WDPCP: variants seen among roughly 807,000 people sequenced by gnomAD.
WDPCP encodes the protein WD repeat containing planar cell polarity effector.
In WDPCP, 71 loss-of-function variants were observed where a neutral mutation model predicts 93.1. The observed-to-expected ratio is 0.76, with a 90% confidence interval of 0.63 to 0.93. The LOEUF is 0.93. WDPCP is among the 40% of genes least tolerant of loss of function. WDPCP has a pLI of 0.00. For missense variants in WDPCP, 844 were observed against 887.4 expected (o/e 0.95, Z 0.62); for synonymous variants, 315 against 315.0 (o/e 1.00, Z 0.00).
At position 63,512,710 on chromosome 2, in the gene WDPCP, G is replaced by A. The variant is rs184797288; in HGVS notation, c.76-19770C>T. Among the ~76,000 whole-genome samples, 349 of 152,208 alleles carry A rather than the reference G, an allele frequency of 2.3e-3. 1 individual carries two copies. The highest frequency in any genetic ancestry group is 4.2e-3 in the Non-Finnish European group (289 of 68,018). ...TGAACAATGAGAACATATGGGCACA[G>A]GGAGGGGAACGTCACACACTGGGGC... On this transcript the variant is annotated intron_variant, in intron 1 of 17. Transcript: ENST00000272321.
At position 63,502,601 on chromosome 2, in the gene WDPCP, T is replaced by C. The variant is rs1477841429; in HGVS notation, c.76-9661A>G. On this transcript the variant is annotated intron_variant, in intron 1 of 17. Coordinates refer to ENST00000272321, the MANE Select transcript of WDPCP (RefSeq NM_015910.7). ...ATCTTTTCATGGATTTTTAAAACAATTTGTTCCCTCTATAAATTACCTGTT... is the reference window on the plus strand; with the variant it reads ...ATCTTTTCATGGATTTTTAAAACAACTTGTTCCCTCTATAAATTACCTGTT... 2.6e-5 allele frequency among the ~76,000 whole-genome samples: 4 copies of C among 152,304 alleles called. No homozygotes were observed. The East Asian group carries it at 7.7e-4, about 29-fold the overall frequency.
intron 15 of WDPCP, 108 bp from the exon 16 acceptor site, chr2:63,153,682 G>A (rs1672035328): frequency 3.1e-6 from 2 of 637,794 alleles, no homozygotes; most frequent in Non-Finnish European, 4.9e-6. Context: ...AAGTTTCTGG[G>A]TTAAAAAATG....
intron 12 of WDPCP, among the ~76,000 whole-genome samples, chr2:63,325,687 A>T (rs1687478467): frequency 6.6e-6 from 1 of 152,220 alleles, no homozygotes; most frequent in Admixed American, 6.5e-5. Context: ...TTATGCCTGA[A>T]AGTCCCATAC....
intron 2 of WDPCP, among the ~76,000 whole-genome samples, chr2:63,776,211 C>G (rs1670300916): frequency 6.7e-6 from 1 of 148,944 alleles, no homozygotes; most frequent in South Asian, 2.1e-4. Context: ...AAAAGATAAG[C>G]CACCGACAGG....
intron 1 of WDPCP, among the ~76,000 whole-genome samples, chr2:63,512,424 A>G (rs1702290770): frequency 6.6e-6 from 1 of 152,214 alleles, no homozygotes; most frequent in Admixed American, 6.5e-5. Flanking sequence ...TCATTCTACT[A>G]TAAAGACATA....
At chr2:63,313,592 T>G (rs1476576425) in intron 12 of WDPCP, among the ~76,000 whole-genome samples, 1 of 152,030 alleles carries the variant, frequency 6.6e-6, no homozygotes, top group South Asian at 2.1e-4. Flanking sequence ...AGAAAATACG[T>G]TGCCTCTTCT....
chr2:63,386,078 T>G (rs943329991), intron 10 of WDPCP, among the ~76,000 whole-genome samples: 8 of 152,056 alleles, frequency 5.3e-5, no homozygotes, highest in Non-Finnish European at 1.0e-4. Flanking sequence ...TAACTTGAAG[T>G]AGACCATCAA....
intron 3 of WDPCP, among the ~76,000 whole-genome samples, chr2:63,645,851 G>A (rs376958552): frequency 1.3e-5 from 2 of 152,104 alleles, no homozygotes; most frequent in East Asian, 3.8e-4. Context: ...CGTTAGCATG[G>A]ACTATCATTT....
chr2:63,196,945 T>C (rs185549546), intron 14 of WDPCP, among the ~76,000 whole-genome samples: 1 of 152,296 alleles, frequency 6.6e-6, no homozygotes, highest in Admixed American at 6.5e-5. Context: ...CAGACCCTTC[T>C]ATGAAACAAG....
Position 63,420,186 on chromosome 2 carries a change from C to A in WDPCP, c.825+13559G>T, listed in dbSNP as rs548167820. On this transcript the variant is annotated intron_variant, in intron 9 of 17. Coordinates refer to ENST00000272321, the MANE Select transcript of WDPCP (RefSeq NM_015910.7). ...CAGAATAATATGATAAATGTGAAAACCAGTTTCATGAAATACTATCCTTTT... is the reference window on the plus strand; with the variant it reads ...CAGAATAATATGATAAATGTGAAAAACAGTTTCATGAAATACTATCCTTTT... Among the ~76,000 whole-genome samples the A allele has an allele frequency of 7.3e-5, 11 of 151,600 alleles. No homozygotes were observed. The South Asian group carries it at 1.2e-3, about 17-fold the overall frequency.
intron 3 of WDPCP, chr2:63,622,628 T>C: frequency 2.5e-6 from 4 of 1,613,898 alleles, no homozygotes; most frequent in Non-Finnish European, 3.4e-6. Flanking sequence ...CAGGAAATAG[T>C]TGCTTGGCCC....
At chr2:63,703,013 T>A (rs1669086118) in intron 2 of WDPCP, among the ~76,000 whole-genome samples, 1 of 152,128 alleles carries the variant, frequency 6.6e-6, no homozygotes, top group African/African-American at 2.4e-5. Context: ...AGAATGATGG[T>A]TTCAAGCTTC....
intron 2 of WDPCP, among the ~76,000 whole-genome samples, chr2:63,726,634 T>C (rs1202027804): frequency 6.6e-6 from 1 of 152,218 alleles, no homozygotes; most frequent in Non-Finnish European, 1.5e-5. Flanking sequence ...CTTTGGGCAG[T>C]GTGGCCATTT....
rs765317531 is a variant in WDPCP, at chr2:63,492,954, A to C, written c.76-14T>G. The stretch of plus-strand genomic sequence containing the variant: ...GGAATCTCTATCCTGTTTAAAAAAT[A>C]ATTAAAAAGAGGTGCCAATTAATTA... On this transcript the variant is annotated splice_polypyrimidine_tract_variant and intron_variant, in intron 1 of 17. Coordinates refer to ENST00000272321, the MANE Select transcript of WDPCP (RefSeq NM_015910.7). The C allele has an allele frequency of 2.5e-6, 4 of 1,609,196 alleles. No individual in the cohort carries two copies. The South Asian group carries it at 4.4e-5, about 18-fold the overall frequency.
chr2:63,487,407 T>C, intron 3 of WDPCP, 40 bp downstream of exon 3: 1 of 1,406,018 alleles, frequency 7.1e-7, no homozygotes, highest in Non-Finnish European at 1.0e-6. Flanking sequence ...TTTAGAATAT[T>C]TAGTTAATAA....
chr2:63,127,172 A>G (rs1054651681), intron 17 of WDPCP, among the ~76,000 whole-genome samples: 1 of 141,392 alleles, frequency 7.1e-6, no homozygotes, highest in Admixed American at 7.5e-5. Flanking sequence ...ACTAGACTGG[A>G]GTGCAGTAGC....
Position 63,119,705 on chromosome 2 carries a change from C to T in WDPCP, c.*2301G>A, listed in dbSNP as rs940621942. On this transcript the variant is annotated 3_prime_UTR_variant, in exon 18 of 18. Transcript: ENST00000272321. ...TATTCCTAAAGGACAACCTGTGAAC[C>T]TGTCAGTGCTAGGACAGATACTACC... 6.6e-6 allele frequency among the ~76,000 whole-genome samples: 1 copy of T among 152,148 alleles called. No individual in the cohort carries two copies. The highest frequency in any genetic ancestry group is 1.5e-5 in the Non-Finnish European group (1 of 68,032).
chr2:63,421,473 A>G lies in WDPCP; in HGVS notation c.825+12272T>C, dbSNP rs569640215. ...AGACCCACACAAATATAATCAACTG[A>G]TATTTGACAAAGTAGCAAAGGCAAT... On this transcript the variant is annotated intron_variant, in intron 9 of 17. Transcript: ENST00000272321. Among the ~76,000 whole-genome samples, 15 of 152,330 alleles carry G rather than the reference A, an allele frequency of 9.8e-5. No homozygotes were observed. The South Asian group carries it at 3.1e-3, about 32-fold the overall frequency.
intron 1 of WDPCP, among the ~76,000 whole-genome samples, chr2:63,531,169 T>A (rs896990278): frequency 5.3e-5 from 8 of 152,192 alleles, no homozygotes; most frequent in African/African-American, 1.7e-4. Flanking sequence ...GAGGCTTGAC[T>A]AGGTAAACAA....
Sources: allele counts gnomAD v4.1 joint callset (sites outside exome capture counted in the v4.1 genomes callset), GRCh38; gene constraint gnomAD v4.1.1; transcripts MANE v1.5; gene names NCBI Gene and HGNC (gene_info 2026-07-23, HGNC 2026-07-21).